FNDC3B: variants seen among roughly 807,000 people sequenced by gnomAD.
FNDC3B encodes the protein fibronectin type III domain-containing protein 3B.
Under a neutral mutation model 151.5 loss-of-function variants are expected in FNDC3B, and 12 were observed. The observed-to-expected ratio is 0.08, with a 90% CI of 0.05 to 0.13. The LOEUF (loss-of-function observed/expected upper bound fraction) is 0.13, where lower values mean the gene tolerates loss of function less well. Among genes scored for constraint, FNDC3B ranks in the 10% least tolerant of loss-of-function variants. The pLI is 1.00. For missense variants in FNDC3B, 1,214 were observed against 1,505.3 expected (o/e 0.81, Z 3.20); for synonymous variants, 528 against 549.0 (o/e 0.96, Z 0.54).
chr3:172,302,175 C>G (rs1730945481), intron 9 of FNDC3B: 1 of 152,132 alleles, frequency 6.6e-6, no homozygotes, highest in Non-Finnish European at 1.5e-5. Flanking sequence ...AATGCTTTTT[C>G]TCATTTTCAA....
At chr3:172,178,717 A>AGG (rs1723733172) in intron 3 of FNDC3B, among the ~76,000 whole-genome samples, 2 of 152,182 alleles carry the variant, frequency 1.3e-5, no homozygotes, top group South Asian at 4.1e-4. Context: ...ATATATGTGG[A>AGG]GGGAGTGATG....
chr3:172,140,982 C>T (rs1721598259), intron 3 of FNDC3B, among the ~76,000 whole-genome samples: 1 of 152,110 alleles, frequency 6.6e-6, no homozygotes, highest in South Asian at 2.1e-4. Context: ...AGTGTGAATC[C>T]CTGGTCATTT....
At chr3:172,075,673 T>C (rs1717971869) in intron 1 of FNDC3B, among the ~76,000 whole-genome samples, 1 of 151,928 alleles carries the variant, frequency 6.6e-6, no homozygotes, top group Non-Finnish European at 1.5e-5. Context: ...TTTCCACATA[T>C]TTTTGAGTGG....
At chr3:172,056,078 G>C (rs1259946872) in intron 1 of FNDC3B, among the ~76,000 whole-genome samples, 1 of 152,172 alleles carries the variant, frequency 6.6e-6, no homozygotes, top group Non-Finnish European at 1.5e-5. Context: ...ACTGCGCCCG[G>C]CCTGTTCCTA....
chr3:172,354,482 G>GA (rs1280649586), intron 22 of FNDC3B, among the ~76,000 whole-genome samples: 1 of 150,898 alleles, frequency 6.6e-6, no homozygotes, highest in Non-Finnish European at 1.5e-5. Flanking sequence ...TTTCAATAAA[G>GA]AAATATAAAC....
intron 1 of FNDC3B, among the ~76,000 whole-genome samples, chr3:172,076,768 A>C (rs1314195325): frequency 2.6e-5 from 4 of 152,196 alleles, no homozygotes; most frequent in African/African-American, 7.2e-5. Context: ...TAATCAGGTC[A>C]CAGGGCATCA....
chr3:172,180,035 A>G (rs564307239), intron 3 of FNDC3B, among the ~76,000 whole-genome samples: 2 of 152,260 alleles, frequency 1.3e-5, no homozygotes, highest in South Asian at 4.1e-4. Context: ...ACTCTGACCT[A>G]ATGACTCATA....
chr3:172,217,222 CT>C (rs1560022959), intron 3 of FNDC3B, among the ~76,000 whole-genome samples: 1 of 152,248 alleles, frequency 6.6e-6, no homozygotes, highest in East Asian at 1.9e-4. Context: ...GTTCTAAAAA[CT>C]GGAGTTGAAG....
chr3:172,192,138 A>G (rs1318835038), intron 3 of FNDC3B, among the ~76,000 whole-genome samples: 1 of 151,706 alleles, frequency 6.6e-6, no homozygotes, highest in Admixed American at 6.6e-5. Flanking sequence ...CTTGTTAACC[A>G]AATACACAGA....
At chr3:172,203,274 T>A (rs776168246) in intron 3 of FNDC3B, among the ~76,000 whole-genome samples, 2 of 152,236 alleles carry the variant, frequency 1.3e-5, no homozygotes, top group Non-Finnish European at 2.9e-5. Flanking sequence ...TTTTGGATTT[T>A]GTGTTAATGC....
intron 9 of FNDC3B, among the ~76,000 whole-genome samples, chr3:172,304,645 C>A (rs1015531612): frequency 6.6e-6 from 1 of 152,108 alleles, no homozygotes; most frequent in African/African-American, 2.4e-5. Flanking sequence ...GCCTGTAATC[C>A]CAGCACTTTG....
At chr3:172,101,104 T>A (rs1719357183) in intron 1 of FNDC3B, among the ~76,000 whole-genome samples, 1 of 152,196 alleles carries the variant, frequency 6.6e-6, no homozygotes, top group South Asian at 2.1e-4. Flanking sequence ...TTGAATTCTA[T>A]ACGAGCTGAT....
intron 23 of FNDC3B, among the ~76,000 whole-genome samples, chr3:172,371,307 G>T (rs1303250321): frequency 6.6e-6 from 1 of 152,152 alleles, no homozygotes; most frequent in African/African-American, 2.4e-5. Context: ...AAAAAAAGCA[G>T]AACATGTTCA....
At chr3:172,097,515 C>T (rs2108518587) in intron 1 of FNDC3B, among the ~76,000 whole-genome samples, 1 of 152,208 alleles carries the variant, frequency 6.6e-6, no homozygotes, top group African/African-American at 2.4e-5. Context: ...ATTATGTTTT[C>T]TTAAAAAAGT....
At chr3:172,328,621 TC>T (rs1732474106) in intron 11 of FNDC3B, among the ~76,000 whole-genome samples, 1 of 152,142 alleles carries the variant, frequency 6.6e-6, no homozygotes, top group Non-Finnish European at 1.5e-5. Context: ...AGGAGGAGGA[TC>T]TTAGAAATTG....
chr3:172,239,963 G>T (rs1251572514), intron 4 of FNDC3B, among the ~76,000 whole-genome samples: 1 of 141,508 alleles, frequency 7.1e-6, no homozygotes, highest in Non-Finnish European at 1.5e-5. Flanking sequence ...CCGCCTCCTG[G>T]GTTCACACCA....
chr3:172,311,150 C>CCAG (rs1488670250), intron 11 of FNDC3B, among the ~76,000 whole-genome samples: 1 of 152,192 alleles, frequency 6.6e-6, no homozygotes, highest in Non-Finnish European at 1.5e-5. Flanking sequence ...TTTTGGATCT[C>CCAG]CAGTGTCTAG....
intron 11 of FNDC3B, among the ~76,000 whole-genome samples, chr3:172,314,082 T>C (rs1048159159): frequency 6.6e-6 from 1 of 152,182 alleles, no homozygotes; most frequent in Non-Finnish European, 1.5e-5. Context: ...GCTGGTAGTT[T>C]CTACAGCCAG....
chr3:172,375,144 G>A (rs964093544), intron 23 of FNDC3B, among the ~76,000 whole-genome samples: 1 of 152,156 alleles, frequency 6.6e-6, no homozygotes, highest in African/African-American at 2.4e-5. Flanking sequence ...GAAGGTGTCA[G>A]CTTTTTAATA....
Sources: gnomAD v4.1 joint callset for allele counts (sites outside exome capture counted in the v4.1 genomes callset) on GRCh38, gnomAD v4.1.1 for gene constraint, MANE v1.5 for transcripts, NCBI Gene and HGNC (gene_info 2026-07-23, HGNC 2026-07-21) for gene names.